CSMD3: variants seen among roughly 807,000 people sequenced by gnomAD.
The protein encoded by CSMD3 is CUB and Sushi multiple domains 3, also known as CUB and sushi domain-containing protein 3.
A neutral mutation model predicts 435.2 loss-of-function variants in CSMD3; 177 were observed. The ratio of observed to expected loss-of-function variants is 0.41; its 90% confidence interval spans 0.36 to 0.46. CSMD3 has a LOEUF of 0.46. Among genes scored for constraint, CSMD3 ranks in the 20% least tolerant of loss-of-function variants. The pLI is 0.34. For synonymous variants in CSMD3, 1,656 were observed against 1,520.5 expected (o/e 1.09, Z -2.07); for missense variants, 4,265 against 4,504.6 (o/e 0.95, Z 1.52).
At chr8:112,335,063 T>C (rs146261146) in intron 45 of CSMD3, among the ~76,000 whole-genome samples, 6 of 152,328 alleles carry the variant, frequency 3.9e-5, no homozygotes, top group African/African-American at 1.2e-4. Context: ...TTATTGGTTT[T>C]CATGCAGAAA....
intron 4 of CSMD3, among the ~76,000 whole-genome samples, chr8:113,169,316 T>G (rs1192223678): frequency 1.3e-5 from 2 of 152,136 alleles, no homozygotes; most frequent in Non-Finnish European, 2.9e-5. Context: ...ATATATGGTT[T>G]AGGTCACTCA....
At chr8:113,425,095 T>G (rs2094628587) in intron 1 of CSMD3, among the ~76,000 whole-genome samples, 1 of 151,488 alleles carries the variant, frequency 6.6e-6, no homozygotes, top group South Asian at 2.1e-4. Flanking sequence ...AATAAATAAT[T>G]GATAGCTGAA....
chr8:113,158,020 G>T (rs2091965532), intron 4 of CSMD3, among the ~76,000 whole-genome samples: 1 of 151,854 alleles, frequency 6.6e-6, no homozygotes, highest in South Asian at 2.1e-4. Flanking sequence ...CAAAATATAA[G>T]TAAGTAGAAA....
In CSMD3 at chr8:112,799,005, G is replaced by A. The variant is rs373059074; in HGVS notation, c.1972+1157C>T. Reference sequence around the variant, plus strand: ...CCCTGCATGTAAAATACAAGTTGCCGGAAAAAAAAGACAGATAAATACATG... The same window carrying A: ...CCCTGCATGTAAAATACAAGTTGCCAGAAAAAAAAGACAGATAAATACATG... On this transcript the variant is annotated intron_variant, in intron 13 of 70. Coordinates refer to ENST00000297405, the MANE Select transcript of CSMD3 (RefSeq NM_198123.2). Among the ~76,000 whole-genome samples, 638 of 151,330 alleles carry A rather than the reference G, an allele frequency of 4.2e-3. 4 individuals carry two copies. The highest frequency in any genetic ancestry group is 0.014 in the African/African-American group (565 of 41,370).
chr8:112,309,672 C>T (rs552753744), intron 50 of CSMD3, among the ~76,000 whole-genome samples: 6 of 151,962 alleles, frequency 3.9e-5, no homozygotes, highest in African/African-American at 1.2e-4. Context: ...ATGGTGCTTC[C>T]CAGAATCCTA....
In CSMD3 at chr8:112,545,407, C is replaced by T. The variant is rs536446260; in HGVS notation, c.4564+5264G>A. Among the ~76,000 whole-genome samples the T allele has an allele frequency of 4.0e-3, 554 of 136,840 alleles. 1 individual carries two copies. The highest frequency in any genetic ancestry group is 0.014 in the African/African-American group (513 of 36,696). The allele number at this position is 136,840 out of a possible 152,430, so 89.8% of individuals were successfully genotyped here. ...CTGAGGCAGGAGAATTGCTTGAGCC[C>T]GGGAGGTGTAGGTTGCAGTGACCCA... On this transcript the variant is annotated intron_variant, in intron 27 of 70. Coordinates refer to ENST00000297405, the MANE Select transcript of CSMD3 (RefSeq NM_198123.2).
chr8:112,422,943 T>C (rs1371464756), intron 32 of CSMD3, among the ~76,000 whole-genome samples: 2 of 152,144 alleles, frequency 1.3e-5, no homozygotes, highest in African/African-American at 4.8e-5. Context: ...TTTGGTCCAA[T>C]TTCTCAGATG....
chr8:112,768,554 G>T lies in CSMD3; in HGVS notation c.1972+31608C>A, dbSNP rs1455618740. 5.3e-5 allele frequency among the ~76,000 whole-genome samples: 8 copies of T among 151,830 alleles called. No individual in the cohort carries two copies. In the East Asian group the frequency reaches 1.5e-3, roughly 29 times the overall value. ...TGACACATTTTTAGAGTGAAGCTTTGTAAATGAAAGAAATAGTGCACTGAG... is the reference window on the plus strand; with the variant it reads ...TGACACATTTTTAGAGTGAAGCTTTTTAAATGAAAGAAATAGTGCACTGAG... On this transcript the variant is annotated intron_variant, in intron 13 of 70. Coordinates refer to ENST00000297405, the MANE Select transcript of CSMD3 (RefSeq NM_198123.2).
At chr8:113,129,665 T>C (rs1429280835) in intron 4 of CSMD3, among the ~76,000 whole-genome samples, 1 of 152,124 alleles carries the variant, frequency 6.6e-6, no homozygotes, top group Non-Finnish European at 1.5e-5. Flanking sequence ...CAGGACACTG[T>C]GAGAATCATG....
chr8:112,925,264 T>C (rs2082873859), intron 9 of CSMD3, among the ~76,000 whole-genome samples: 1 of 152,130 alleles, frequency 6.6e-6, no homozygotes, highest in Non-Finnish European at 1.5e-5. Context: ...TAATTTTAGG[T>C]TACACATGAA....
chr8:112,438,266 C>T (rs529993950), intron 32 of CSMD3, among the ~76,000 whole-genome samples: 54 of 152,226 alleles, frequency 3.5e-4, no homozygotes, highest in African/African-American at 1.2e-3. Context: ...GTGACTGTTG[C>T]TGAAAACAGT....
rs576967838 is a variant in CSMD3 at position 113,063,449 on chromosome 8, T to C, written c.917+35307A>G. Among the ~76,000 whole-genome samples, 3 of 152,138 alleles carry C rather than the reference T, an allele frequency of 2.0e-5. No homozygotes were observed. In the East Asian group the frequency reaches 5.8e-4, roughly 29 times the overall value. Reference sequence around the variant, plus strand: ...AGCATGCACAATCTTTAATATCTACTTTAATTACTGCATTTTCAGATTTAT... The same window carrying C: ...AGCATGCACAATCTTTAATATCTACCTTAATTACTGCATTTTCAGATTTAT... On this transcript the variant is annotated intron_variant, in intron 5 of 70. Coordinates refer to ENST00000297405, the MANE Select transcript of CSMD3 (RefSeq NM_198123.2).
chr8:112,998,823 T>G (rs908312835), intron 6 of CSMD3, among the ~76,000 whole-genome samples: 1 of 151,994 alleles, frequency 6.6e-6, no homozygotes, highest in African/African-American at 2.4e-5. Flanking sequence ...GATCTGGTTG[T>G]TTAAAAGTGT....
At chr8:113,330,906 G>A (rs1400780151) in intron 1 of CSMD3, among the ~76,000 whole-genome samples, 3 of 151,616 alleles carry the variant, frequency 2.0e-5, no homozygotes, top group African/African-American at 7.3e-5. Flanking sequence ...TAAAATACTC[G>A]AGCAAGACCA....
chr8:112,716,094 G>T (rs940354388), intron 13 of CSMD3, among the ~76,000 whole-genome samples: 2 of 152,102 alleles, frequency 1.3e-5, no homozygotes, highest in African/African-American at 4.8e-5. Context: ...GCAAGAGAAA[G>T]AAATAAAGGG....
intron 3 of CSMD3, among the ~76,000 whole-genome samples, chr8:113,195,782 T>A (rs1238383366): frequency 7.3e-6 from 1 of 137,700 alleles, no homozygotes; most frequent in South Asian, 2.3e-4. Context: ...AATATTCATA[T>A]CCTATATTTT....
intron 9 of CSMD3, among the ~76,000 whole-genome samples, chr8:112,938,682 C>T (rs2083359728): frequency 6.6e-6 from 1 of 152,046 alleles, no homozygotes; most frequent in South Asian, 2.1e-4. Flanking sequence ...CACCACACGA[C>T]TGAAGTGAAA....
intron 69 of CSMD3, among the ~76,000 whole-genome samples, chr8:112,229,915 T>C (rs530163935): frequency 9.9e-5 from 15 of 151,348 alleles, no homozygotes; most frequent in Non-Finnish European, 1.9e-4. Flanking sequence ...GGAATTAAAA[T>C]TTAAACTAGA....
chr8:112,469,785 T>C (rs1818340261), intron 32 of CSMD3, among the ~76,000 whole-genome samples: 1 of 152,024 alleles, frequency 6.6e-6, no homozygotes, highest in Admixed American at 6.6e-5. Context: ...AGCCCAGGGG[T>C]TAGGAATCCC....
Sources: allele counts gnomAD v4.1 joint callset (sites outside exome capture counted in the v4.1 genomes callset), GRCh38; gene constraint gnomAD v4.1.1; transcripts MANE v1.5; gene names NCBI Gene and HGNC (gene_info 2026-07-23, HGNC 2026-07-21).